Variants in SEMA3A observed in about 807,000 individuals in gnomAD.
SEMA3A encodes semaphorin-3A.
In SEMA3A, 29 loss-of-function variants were observed where a neutral mutation model predicts 97.9. The ratio of observed to expected loss-of-function variants is 0.30; its 90% CI spans 0.22 to 0.40. The LOEUF (loss-of-function observed/expected upper bound fraction) is 0.40. Among genes scored for constraint, SEMA3A ranks in the 10% least tolerant of loss-of-function variants. The pLI is 1.00. For synonymous variants in SEMA3A, 321 were observed against 323.7 expected, an observed-to-expected ratio of 0.99 and a Z score of 0.09; for missense variants, 763 against 951.3, an observed-to-expected ratio of 0.80 and a Z score of 2.60.
chr7:84,405,139 T>C (rs1201673443), intron 1 of SEMA3A, among the ~76,000 whole-genome samples: 1 of 151,992 alleles, frequency 6.6e-6, no homozygotes, highest in Non-Finnish European at 1.5e-5. Flanking sequence ...TGTGCTGTAC[T>C]CAGGAAACCC....
chr7:84,133,945 C>G (rs944334031), intron 2 of SEMA3A, among the ~76,000 whole-genome samples: 1 of 150,900 alleles, frequency 6.6e-6, no homozygotes, highest in Non-Finnish European at 1.5e-5. Flanking sequence ...ACCTGTAGTC[C>G]CAGCTACTCG....
chr7:84,437,478 T>C (rs1805165306), intron 1 of SEMA3A, among the ~76,000 whole-genome samples: 1 of 151,960 alleles, frequency 6.6e-6, no homozygotes, highest in South Asian at 2.1e-4. Flanking sequence ...TTTTTTGTTT[T>C]ATTAGAGCAT....
chr7:84,414,735 A>C (rs1010846080), intron 1 of SEMA3A, among the ~76,000 whole-genome samples: 3 of 151,708 alleles, frequency 2.0e-5, no homozygotes, highest in Admixed American at 2.0e-4. Flanking sequence ...CATGAAAAAC[A>C]AAAAAAAGGC....
At chr7:84,272,982 T>C (rs1800190732) in intron 3 of SEMA3A, among the ~76,000 whole-genome samples, 1 of 152,148 alleles carries the variant, frequency 6.6e-6, no homozygotes, top group South Asian at 2.1e-4. Flanking sequence ...AATCTGCATC[T>C]TGCTTAAAAT....
At chr7:84,353,321 T>C (rs1802479076) in intron 2 of SEMA3A, among the ~76,000 whole-genome samples, 1 of 150,018 alleles carries the variant, frequency 6.7e-6, no homozygotes, top group African/African-American at 2.5e-5. Context: ...ATATATTTTA[T>C]ATATTCATAC....
chr7:83,987,625 C>T (rs1051183160), intron 12 of SEMA3A, among the ~76,000 whole-genome samples: 6 of 152,242 alleles, frequency 3.9e-5, no homozygotes, highest in African/African-American at 9.6e-5. Flanking sequence ...CCTGGAATTA[C>T]GCCTGGTATT....
chr7:84,101,938 C>A (rs756819349), intron 4 of SEMA3A, among the ~76,000 whole-genome samples: 1 of 151,636 alleles, frequency 6.6e-6, no homozygotes, highest in East Asian at 1.9e-4. Context: ...ATATTGATTA[C>A]ATATTTAAAT....
chr7:84,492,005 G>A (rs945061834), intron 1 of SEMA3A, among the ~76,000 whole-genome samples: 2 of 152,012 alleles, frequency 1.3e-5, no homozygotes, highest in African/African-American at 2.4e-5. Flanking sequence ...AAAATTATAC[G>A]CAAATTCCTC....
intron 1 of SEMA3A, among the ~76,000 whole-genome samples, chr7:84,403,237 C>G (rs1803958733): frequency 6.6e-6 from 1 of 152,200 alleles, no homozygotes; most frequent in Non-Finnish European, 1.5e-5. Flanking sequence ...AAACGGCACA[C>G]CAGGAGATTA....
intron 3 of SEMA3A, among the ~76,000 whole-genome samples, chr7:84,287,003 A>G (rs1800606086): frequency 6.6e-6 from 1 of 152,154 alleles, no homozygotes; most frequent in South Asian, 2.1e-4. Flanking sequence ...ACATGCACAC[A>G]GAACAAGGAA....
Position 84,447,812 on chromosome 7 carries a change from G to A in SEMA3A, c.-246+44648C>T, listed in dbSNP as rs375677160. ...CACGTTGCGGGCTATGAGGAGAGAA[G>A]TGCTGCAGGCCTTCAGGAAGCCCAG... On this transcript the variant is annotated intron_variant, in intron 1 of 3. Transcript: ENST00000424555. Among the ~76,000 whole-genome samples the A allele has an allele frequency of 7.0e-4, 106 of 152,346 alleles. 1 individual carries two copies. Among genetic ancestry groups the A allele is most frequent in the African/African-American group, 2.4e-3 (98 of 41,590 alleles).
intron 4 of SEMA3A, among the ~76,000 whole-genome samples, chr7:84,095,191 T>C (rs1449633184): frequency 2.8e-5 from 4 of 141,168 alleles, no homozygotes; most frequent in African/African-American, 1.0e-4. Flanking sequence ...TATTGCTATA[T>C]ATAGCATTAT....
chr7:84,212,847 G>A (rs1798663639), intron 3 of SEMA3A, among the ~76,000 whole-genome samples: 1 of 152,104 alleles, frequency 6.6e-6, no homozygotes, highest in South Asian at 2.1e-4. Flanking sequence ...CTGCATATGT[G>A]TGTTTATCAA....
rs934050672 is a variant in SEMA3A at position 83,959,265 on chromosome 7, T to G, written c.*2106A>C. The G allele has an allele frequency of 1.3e-5, 2 of 152,060 alleles. No homozygotes were observed. Among genetic ancestry groups the G allele is most frequent in the African/African-American group, 2.4e-5 (1 of 41,464 alleles). 9.4% of individuals were successfully genotyped at this position (152,060 alleles called of 1,614,324 possible). The stretch of plus-strand genomic sequence containing the variant: ...AATAAGATATTTCTGCTATCGCAAA[T>G]AAATTTATTTCAGCTGCAAATTTAG... On this transcript the variant is annotated 3_prime_UTR_variant, in exon 17 of 17. Coordinates refer to ENST00000265362, the MANE Select transcript of SEMA3A (RefSeq NM_006080.3).
rs117144518 is a variant in SEMA3A at position 84,179,989 on chromosome 7, A to G, written c.112+14486T>C. On this transcript the variant is annotated intron_variant, in intron 1 of 16. Transcript: ENST00000265362. ...TTTTTTTTTTTTTTTTTGAGACTGA[A>G]TTTCGCTCTTGTTGTGGCGCGATCT... 0.011 allele frequency among the ~76,000 whole-genome samples: 1,466 copies of G among 138,222 alleles called. 50 individuals are homozygous for G. The East Asian group carries it at 0.13, about 12-fold the overall frequency. The allele number at this position is 138,222 out of a possible 152,430, so 90.7% of individuals were successfully genotyped here.
At chr7:84,166,346 G>T (rs1797205310) in intron 1 of SEMA3A, among the ~76,000 whole-genome samples, 1 of 151,388 alleles carries the variant, frequency 6.6e-6, no homozygotes, top group African/African-American at 2.4e-5. Flanking sequence ...GGCTGAGGCA[G>T]GCAGATCAGG....
At chr7:84,289,497 A>G (rs1800687416) in intron 3 of SEMA3A, among the ~76,000 whole-genome samples, 1 of 152,160 alleles carries the variant, frequency 6.6e-6, no homozygotes, top group Non-Finnish European at 1.5e-5. Context: ...ATGTACAATT[A>G]TTATCAATAA....
chr7:84,369,748 G>T (rs377451149), intron 2 of SEMA3A, among the ~76,000 whole-genome samples: 59 of 149,308 alleles, frequency 4.0e-4, no homozygotes, highest in African/African-American at 1.3e-3. Flanking sequence ...AGAAAGAGGT[G>T]ACAGGTATTA....
intron 2 of SEMA3A, among the ~76,000 whole-genome samples, chr7:84,314,978 G>T (rs1190752953): frequency 6.6e-6 from 1 of 152,118 alleles, no homozygotes; most frequent in Admixed American, 6.6e-5. Flanking sequence ...ATAAAATCAT[G>T]AAGAATAAAT....
Sources: allele counts gnomAD v4.1 joint callset (sites outside exome capture counted in the v4.1 genomes callset), GRCh38; gene constraint gnomAD v4.1.1; transcripts MANE v1.5; gene names NCBI Gene and HGNC (gene_info 2026-07-23, HGNC 2026-07-21).